RAB33A: variants seen among roughly 807,000 people sequenced by gnomAD.
RAB33A encodes the protein RAB33A, member RAS oncogene family.
In RAB33A, 6 loss-of-function variants were observed where a neutral mutation model predicts 12.0. The observed-to-expected ratio is 0.50, with a 90% CI of 0.27 to 0.99. RAB33A has a LOEUF of 0.99. RAB33A is among the 50% of genes least tolerant of loss of function. The pLI, the probability that RAB33A is intolerant of heterozygous loss-of-function variation, is 0.11. For missense variants in RAB33A, 109 were observed against 192.0 expected, an observed-to-expected ratio of 0.57 and a Z score of 2.55; for synonymous variants, 70 against 82.4, an observed-to-expected ratio of 0.85 and a Z score of 0.81.
the RAB33A span, among the ~76,000 whole-genome samples, chrX:130,166,313 A>G: frequency 9.0e-6 from 1 of 110,958 alleles, no homozygotes; most frequent in Non-Finnish European, 1.9e-5. Flanking sequence ...CGTTTCCTGG[A>G]CAAGTAATTC....
At chrX:130,116,509 G>A in the RAB33A span, among the ~76,000 whole-genome samples, 1 of 111,272 alleles carries the variant, frequency 9.0e-6, no homozygotes, top group Non-Finnish European at 1.9e-5. Flanking sequence ...GGCCAGGCTG[G>A]TATCGAACTC....
Position 130,176,905 on chromosome X carries a change from C to T in RAB33A, c.258+4585C>T, listed in dbSNP as rs774276285. 2.7e-5 allele frequency among the ~76,000 whole-genome samples: 3 copies of T among 112,293 alleles called. No individual in the cohort carries two copies. In the East Asian group the frequency reaches 8.3e-4, roughly 31 times the overall value. ...TTTTTGCACTTCTACCCTCCCCCAT[C>T]GGCCTCCAACAAAAGCACATTCATG... On this transcript the variant is annotated intron_variant, in intron 1 of 1. Transcript: ENST00000257017.
chrX:130,153,545 T>C, the RAB33A span, among the ~76,000 whole-genome samples: 1 of 111,199 alleles, frequency 9.0e-6, no homozygotes, highest in South Asian at 3.8e-4. Context: ...ATGTTTCCTA[T>C]TCCTATATTG....
At chrX:130,115,918 G>T in the RAB33A span, among the ~76,000 whole-genome samples, 1 of 110,446 alleles carries the variant, frequency 9.1e-6, no homozygotes, top group Admixed American at 9.7e-5. Flanking sequence ...CATCTGTTGG[G>T]TTTACATGAC....
At chrX:130,165,902 C>A in the RAB33A span, 1 of 427,652 alleles carries the variant, frequency 2.3e-6, no homozygotes, top group South Asian at 3.2e-5. Context: ...TTGGTCCGCA[C>A]GGCGAGAGGA....
chrX:130,148,073 G>A, the RAB33A span: 3 of 500,616 alleles, frequency 6.0e-6, no homozygotes, highest in Non-Finnish European at 1.0e-5. Flanking sequence ...CATTTCATAA[G>A]TGAAAAATAG....
chrX:130,120,457 A>C, the RAB33A span, among the ~76,000 whole-genome samples: 1 of 111,035 alleles, frequency 9.0e-6, no homozygotes, highest in Admixed American at 9.5e-5. Context: ...CTGTTCAGGG[A>C]AACCCACCCC....
the RAB33A span, among the ~76,000 whole-genome samples, chrX:130,160,753 T>G: frequency 9.0e-6 from 1 of 110,696 alleles, no homozygotes. Flanking sequence ...GCAAAGAAAT[T>G]TTAGCCAGGG....
chrX:130,131,877 A>AT, the RAB33A span: 66,659 of 754,830 alleles, frequency 0.088, 2 homozygotes, highest in Non-Finnish European at 0.097. Flanking sequence ...ATGACACTGC[A>AT]TTTTTTTTTT....
chrX:130,172,359 G>A, intron 1 of RAB33A, 39 bp downstream of exon 1: 3 of 1,165,456 alleles, frequency 2.6e-6, no homozygotes, highest in Non-Finnish European at 3.4e-6. Flanking sequence ...GTGGGACCCG[G>A]GAGGGGACCT....
chrX:130,115,781 T>G, the RAB33A span, among the ~76,000 whole-genome samples: 2 of 111,041 alleles, frequency 1.8e-5, no homozygotes, highest in Non-Finnish European at 3.8e-5. Context: ...AGGAGTGTAT[T>G]CAAAAGCTGG....
intron 1 of RAB33A, among the ~76,000 whole-genome samples, chrX:130,172,719 G>T (rs995680623): frequency 9.0e-6 from 1 of 111,687 alleles, no homozygotes; most frequent in Non-Finnish European, 1.9e-5. Flanking sequence ...CTCTTCTACT[G>T]CTTGGGTGCC....
the RAB33A span, among the ~76,000 whole-genome samples, chrX:130,134,776 C>G: frequency 8.1e-5 from 9 of 111,655 alleles, no homozygotes; most frequent in South Asian, 7.4e-4. Flanking sequence ...TTAGACTCCC[C>G]CAAAGCAACC....
the RAB33A span, chrX:130,137,222 A>C: frequency 8.3e-7 from 1 of 1,208,302 alleles, no homozygotes; most frequent in African/African-American, 1.8e-5. Flanking sequence ...AGCAGGAAGC[A>C]AAAGTCAATC....
rs200877853 is a variant in RAB33A, at chrX:130,172,099, C to T, written c.37C>T (p.Pro13Ser). Reference protein sequence around the residue: ...QPILGHGSLQPASAAGLASLE... With the variant: ...QPILGHGSLQSASAAGLASLE... ...CATCCTGGGCCATGGGAGCCTGCAG[C>T]CCGCCTCGGCCGCTGGCCTGGCGTC... Residue 13 changes from proline (P) to serine (S), a missense_variant, in exon 1 of 2, where the codon CCC becomes TCC. Transcript: ENST00000257017. The T allele has an allele frequency of 1.1e-5, 13 of 1,209,925 alleles. No individual in the cohort carries two copies. Among genetic ancestry groups the T allele is most frequent in the Middle Eastern group, 2.3e-4 (1 of 4,351 alleles).
chrX:130,146,978 G>A, the RAB33A span, among the ~76,000 whole-genome samples: 1 of 111,549 alleles, frequency 9.0e-6, no homozygotes, highest in Admixed American at 9.5e-5. Flanking sequence ...TGGCCAATGT[G>A]ATAAAACCCC....
the RAB33A span, among the ~76,000 whole-genome samples, chrX:130,158,842 C>T: frequency 9.0e-6 from 1 of 110,716 alleles, no homozygotes; most frequent in Non-Finnish European, 1.9e-5. Flanking sequence ...CCTGTCTAGG[C>T]TTTAAAAGAC....
intron 1 of RAB33A, among the ~76,000 whole-genome samples, chrX:130,179,725 C>T (rs1569426696): frequency 1.0e-5 from 1 of 98,352 alleles, no homozygotes; most frequent in Non-Finnish European, 2.0e-5. Context: ...ATCCCCTTGG[C>T]ACATATCTAG....
At chrX:130,136,603 A>C in the RAB33A span, 1 of 1,132,768 alleles carries the variant, frequency 8.8e-7, no homozygotes, top group Admixed American at 2.2e-5. Context: ...GGAGTGGAGA[A>C]CTGGAAGGCC....
Sources: gnomAD v4.1 joint callset for allele counts (sites outside exome capture counted in the v4.1 genomes callset) on GRCh38, gnomAD v4.1.1 for gene constraint, MANE v1.5 for transcripts, NCBI Gene and HGNC (gene_info 2026-07-23, HGNC 2026-07-21) for gene names.